The following SEMA5B variants were observed in gnomAD, a reference collection of about 807,000 sequenced individuals.
SEMA5B encodes semaphorin-5B.
In SEMA5B, 66 loss-of-function variants were observed where a neutral mutation model predicts 135.0. The observed-to-expected ratio is 0.49, with a 90% confidence interval of 0.40 to 0.60. The LOEUF (loss-of-function observed/expected upper bound fraction) is 0.60, where lower values mean the gene tolerates loss of function less well. Among genes scored for constraint, SEMA5B ranks in the 20% least tolerant of loss-of-function variants. SEMA5B has a pLI of 0.00. For synonymous variants in SEMA5B, 690 were observed against 639.5 expected, an observed-to-expected ratio of 1.08 and a Z score of -1.19; for missense variants, 1,501 against 1,566.3, an observed-to-expected ratio of 0.96 and a Z score of 0.70.
At chr3:122,956,613 T>TC (rs1940320219) in intron 2 of SEMA5B, among the ~76,000 whole-genome samples, 1 of 151,676 alleles carries the variant, frequency 6.6e-6, no homozygotes, top group African/African-American at 2.4e-5. Context: ...AGAGCTGAAT[T>TC]CCCCCACAGA....
chr3:122,968,018 G>T (rs755530981), intron 1 of SEMA5B, among the ~76,000 whole-genome samples: 6 of 152,198 alleles, frequency 3.9e-5, no homozygotes, highest in African/African-American at 1.4e-4. Context: ...CGTGTTCCAC[G>T]CTCTCCTGAC....
chr3:122,969,917 C>T (rs550928447), intron 1 of SEMA5B, among the ~76,000 whole-genome samples: 1 of 152,270 alleles, frequency 6.6e-6, no homozygotes, highest in African/African-American at 2.4e-5. Flanking sequence ...ACACTTCAAG[C>T]CAAATACTGA....
At chr3:123,004,482 C>T (rs1044678527) in intron 1 of SEMA5B, among the ~76,000 whole-genome samples, 1 of 152,210 alleles carries the variant, frequency 6.6e-6, no homozygotes, top group Non-Finnish European at 1.5e-5. Context: ...TACATTTATG[C>T]TTGCATTACT....
At chr3:123,022,496 G>T (rs1161645600) in intron 1 of SEMA5B, among the ~76,000 whole-genome samples, 4 of 152,190 alleles carry the variant, frequency 2.6e-5, no homozygotes, top group Non-Finnish European at 5.9e-5. Flanking sequence ...CTCAGGGAAA[G>T]CCCGATGGAA....
chr3:122,939,282 G>T, intron 5 of SEMA5B, 143 bp downstream of exon 5: 1 of 683,906 alleles, frequency 1.5e-6, no homozygotes, highest in Middle Eastern at 2.5e-4. Context: ...GCTGGGGTCT[G>T]AGTCCATGGC....
In SEMA5B at chr3:122,912,291, C is replaced by T. The variant is rs1937771652; in HGVS notation, c.2777G>A (p.Cys926Tyr). The T allele has an allele frequency of 6.2e-7, 1 of 1,611,944 alleles. No individual in the cohort carries two copies. The highest frequency in any genetic ancestry group is 2.2e-5 in the East Asian group (1 of 44,782). Residue 926 changes from cysteine to tyrosine, a missense_variant, in exon 19 of 23, where the codon TGT (cysteine) becomes TAT (tyrosine). Physicochemically the swap from Cys to Tyr is radical, Grantham distance 194 (BLOSUM62 -2). Coordinates refer to ENST00000357599, the MANE Select transcript of SEMA5B (RefSeq NM_001031702.4). ...WTSWSPCSAS[C>Y]GGGHYQRTRS... is the part of the protein sequence containing the mutation. The stretch of plus-strand genomic sequence containing the variant: ...GGTGCGTTGATAGTGACCCCCACCA[C>T]AGGAAGCTGAGCATGGAGACCATGA...
intron 9 of SEMA5B, 106 bp downstream of exon 9, chr3:122,926,286 G>A: frequency 1.8e-6 from 2 of 1,104,926 alleles, no homozygotes; most frequent in Non-Finnish European, 2.6e-6. Flanking sequence ...ATGACCCCCG[G>A]CAGGAGGCAC....
At chr3:123,021,890 T>G (rs1029299093) in intron 1 of SEMA5B, among the ~76,000 whole-genome samples, 3 of 152,114 alleles carry the variant, frequency 2.0e-5, no homozygotes, top group African/African-American at 7.2e-5. Flanking sequence ...TGGCTCAGGC[T>G]GAGGCAAAAA....
chr3:122,988,338 T>C (rs1247766458), intron 1 of SEMA5B, among the ~76,000 whole-genome samples: 3 of 152,074 alleles, frequency 2.0e-5, no homozygotes, highest in Non-Finnish European at 2.9e-5. Context: ...AACCCCAGTG[T>C]GGAGGTGAGG....
At chr3:122,946,063 G>A (rs571701049) in intron 3 of SEMA5B, among the ~76,000 whole-genome samples, 2 of 152,344 alleles carry the variant, frequency 1.3e-5, no homozygotes, top group Admixed American at 1.3e-4. Flanking sequence ...CGAGCTCTGT[G>A]TGCGGCAAAG....
chr3:122,966,594 A>T (rs898597385), intron 1 of SEMA5B, among the ~76,000 whole-genome samples: 2 of 149,332 alleles, frequency 1.3e-5, no homozygotes. Context: ...TCGCTCTATC[A>T]CCCAGGCTGG....
rs147968317 is a variant in SEMA5B, at chr3:122,935,686, C to CTTTTTTTTTTTTTTT, written c.474+3724_474+3738dup. ...CACTTTTTTTTCTTTTTCTTTCTTT[C>CTTTTTTTTTTTTTTT]TTTTTTTTTTTTTTTTTTTTTTTTG... is the stretch of plus-strand genomic sequence containing the variant. On this transcript the variant is annotated intron_variant, in intron 5 of 22. Coordinates refer to ENST00000357599, the MANE Select transcript of SEMA5B (RefSeq NM_001031702.4). 2.3e-3 allele frequency among the ~76,000 whole-genome samples: 165 copies of CTTTTTTTTTTTTTTT among 70,240 alleles called. 8 individuals are homozygous for CTTTTTTTTTTTTTTT. Among genetic ancestry groups the CTTTTTTTTTTTTTTT allele is most frequent in the African/African-American group, 6.5e-3 (115 of 17,696 alleles). 46.1% of individuals were successfully genotyped at this position (70,240 alleles called of 152,430 possible). A position where few individuals can be genotyped will look rare whatever the true frequency, so the allele number is the denominator to read the frequency against.
rs1370261093 is a variant in SEMA5B at position 122,915,679 on chromosome 3, A to T, written c.1807-58T>A. 3 of 1,601,334 alleles carry T rather than the reference A, an allele frequency of 1.9e-6. No homozygotes were observed. The African/African-American group carries it at 4.0e-5, about 21-fold the overall frequency. The stretch of plus-strand genomic sequence containing the variant: ...TACCCAAGCCAAGGGCAGGGAAGTC[A>T]TAAGATCTCAGGGGATTGGGGGAAT... On this transcript the variant is annotated intron_variant, in intron 13 of 22. Transcript: ENST00000357599.
In SEMA5B at chr3:122,949,797, C is replaced by T. The variant is rs913525258; in HGVS notation, c.125-1088G>A. Among the ~76,000 whole-genome samples, 15 of 151,994 alleles carry T rather than the reference C, an allele frequency of 9.9e-5. No homozygotes were observed. The South Asian group carries it at 2.1e-3, about 21-fold the overall frequency. On this transcript the variant is annotated intron_variant, in intron 2 of 22. Coordinates refer to ENST00000357599, the MANE Select transcript of SEMA5B (RefSeq NM_001031702.4). ...TAAACTGGTTCATCTGACCTTGTGG[C>T]CCCCCGACCCAGGAACTGAACTCAG...
chr3:122,949,519 T>C (rs1939954051), intron 2 of SEMA5B, among the ~76,000 whole-genome samples: 1 of 152,208 alleles, frequency 6.6e-6, no homozygotes, highest in South Asian at 2.1e-4. Context: ...AGTTTACAGT[T>C]TAACTTTGAA....
At chr3:122,930,351 T>C (rs929198118) in intron 5 of SEMA5B, among the ~76,000 whole-genome samples, 1 of 152,194 alleles carries the variant, frequency 6.6e-6, no homozygotes, top group African/African-American at 2.4e-5. Flanking sequence ...TCCCAGACCT[T>C]GGAGAAGAGC....
chr3:123,016,784 G>A (rs1427746489), intron 1 of SEMA5B, among the ~76,000 whole-genome samples: 2 of 151,754 alleles, frequency 1.3e-5, no homozygotes, highest in South Asian at 2.1e-4. Flanking sequence ...GAGCCTTGCT[G>A]TTGTTCTGGC....
chr3:122,983,224 C>A (rs1336728654), intron 1 of SEMA5B, among the ~76,000 whole-genome samples: 2 of 152,188 alleles, frequency 1.3e-5, no homozygotes, highest in Non-Finnish European at 2.9e-5. Context: ...TATTTCCCTG[C>A]CTCCAACCAG....
rs750989991 is a variant in SEMA5B at position 122,973,690 on chromosome 3, A to G, written c.-38-12389T>C. Among the ~76,000 whole-genome samples the G allele has an allele frequency of 2.0e-5, 3 of 152,266 alleles. No homozygotes were observed. The South Asian group carries it at 6.2e-4, about 32-fold the overall frequency. ...TGTGTTGGAGCTGAACGATGCTGCA[A>G]ACTTGGGGGGTTGTAGATTCCCAAG... On this transcript the variant is annotated intron_variant, in intron 1 of 22. Coordinates refer to ENST00000357599, the MANE Select transcript of SEMA5B (RefSeq NM_001031702.4).
Sources: allele counts gnomAD v4.1 joint callset (sites outside exome capture counted in the v4.1 genomes callset), GRCh38; gene constraint gnomAD v4.1.1; transcripts MANE v1.5; gene names NCBI Gene and HGNC (gene_info 2026-07-23, HGNC 2026-07-21).